CYFIP2: variants seen among roughly 807,000 people sequenced by gnomAD.
CYFIP2 encodes cytoplasmic FMR1 interacting protein 2, also known as cytoplasmic FMR1-interacting protein 2.
In CYFIP2, 29 loss-of-function variants were observed where a neutral mutation model predicts 158.7. That is an observed-to-expected ratio of 0.18 (90% CI 0.14 to 0.25). The LOEUF (loss-of-function observed/expected upper bound fraction) is 0.25. Among genes scored for constraint, CYFIP2 ranks in the 10% least tolerant of loss-of-function variants. The probability of loss-of-function intolerance (pLI) is 1.00; values close to 1 mark genes in which losing one functional copy is unlikely to be tolerated. For missense variants in CYFIP2, 852 were observed against 1,639.5 expected (o/e 0.52, Z 8.29); for synonymous variants, 585 against 617.6 (o/e 0.95, Z 0.78).
intron 23 of CYFIP2, chr5:157,343,351 C>G (rs374331000): frequency 5.0e-6 from 8 of 1,614,158 alleles, no homozygotes; most frequent in Middle Eastern, 1.6e-4. Context: ...GATGTTCCAG[C>G]ACCACGGAGC....
At chr5:157,379,684 A>AAAC (rs995349680) in intron 26 of CYFIP2, among the ~76,000 whole-genome samples, 1 of 150,368 alleles carries the variant, frequency 6.7e-6, no homozygotes, top group East Asian at 1.9e-4. Flanking sequence ...AAAAAAAAAA[A>AAAC]AAAAAAAAAC....
Position 157,385,298 on chromosome 5 carries a change from A to G in CYFIP2, c.3207+1939A>G, listed in dbSNP as rs1360981557. Among the ~76,000 whole-genome samples, 4 of 152,352 alleles carry G rather than the reference A, an allele frequency of 2.6e-5. No individual in the cohort carries two copies. The Middle Eastern group carries it at 0.01, about 389-fold the overall frequency. Reference sequence around the variant, plus strand: ...CCTAGTGTTTAACAAATAAAAGCCTAGACATTCTGTGAGACAGGAAATGCT... The same window carrying G: ...CCTAGTGTTTAACAAATAAAAGCCTGGACATTCTGTGAGACAGGAAATGCT... On this transcript the variant is annotated intron_variant, in intron 28 of 30. Coordinates refer to ENST00000620254, the MANE Select transcript of CYFIP2 (RefSeq NM_001037333.3).
rs151268588 is a variant in CYFIP2 at position 157,314,327 on chromosome 5, C to G, written c.1111-17C>G. 4.0e-3 allele frequency: 6,484 copies of G among 1,612,180 alleles called. 24 individuals carry two copies. Among genetic ancestry groups the G allele is most frequent in the Non-Finnish European group, 4.9e-3 (5,766 of 1,178,960 alleles). ...TCAGGCACATAGACCATGAGTATGA[C>G]ACCTGATGCTCCCCAGGTGGTGACG... On this transcript the variant is annotated splice_polypyrimidine_tract_variant and intron_variant, in intron 11 of 30. Coordinates refer to ENST00000620254, the MANE Select transcript of CYFIP2 (RefSeq NM_001037333.3).
intron 26 of CYFIP2, among the ~76,000 whole-genome samples, chr5:157,377,251 T>C (rs980565505): frequency 6.6e-6 from 1 of 152,070 alleles, no homozygotes; most frequent in Non-Finnish European, 1.5e-5. Flanking sequence ...TAGAAGATTC[T>C]TCCCAAACCA....
chr5:157,382,504 C>T, intron 26 of CYFIP2, 86 bp from the exon 27 acceptor site: 5 of 1,422,790 alleles, frequency 3.5e-6, no homozygotes, highest in Non-Finnish European at 4.9e-6. Context: ...GTCTAGCTAA[C>T]TCCAGTGCTC....
At chr5:157,268,590 C>T (rs933138474) in intron 1 of CYFIP2, among the ~76,000 whole-genome samples, 4 of 152,214 alleles carry the variant, frequency 2.6e-5, no homozygotes, top group African/African-American at 9.7e-5. Context: ...AAAGATTGGA[C>T]TACACTCTCA....
intron 28 of CYFIP2, among the ~76,000 whole-genome samples, chr5:157,386,545 A>G (rs1297478137): frequency 6.6e-6 from 1 of 152,168 alleles, no homozygotes; most frequent in Non-Finnish European, 1.5e-5. Flanking sequence ...TGCCTTTTAC[A>G]ATATTTATAC....
Position 157,324,025 on chromosome 5 carries a change from G to C in CYFIP2, c.1776G>C (p.Glu592Asp), listed in dbSNP as rs778090546. ...SLDGPIVLAI[E>D]DFHKQSFFFT... is the part of the protein sequence containing the mutation. ...ATGGACCCATTGTCCTCGCCATAGA[G>C]GACTTTCACAAACAGTCCTTCTTCT... Residue 592 changes from glutamate (E) to aspartate (D), a missense_variant, in exon 16 of 31, where the codon GAG (glutamate) becomes GAC (aspartate). Physicochemically the swap from Glu to Asp is conservative, Grantham distance 45 (BLOSUM62 2). This residue lies in a region of CYFIP2 where 167 missense variants were observed against 343.3 expected (regional missense o/e 0.49). Transcript: ENST00000620254. 1.9e-5 allele frequency: 31 copies of C among 1,613,732 alleles called. No individual in the cohort carries two copies. Among genetic ancestry groups the C allele is most frequent in the Non-Finnish European group, 2.4e-5 (28 of 1,179,854 alleles).
intron 26 of CYFIP2, among the ~76,000 whole-genome samples, chr5:157,378,208 C>T (rs570646809): frequency 6.6e-6 from 1 of 152,116 alleles, no homozygotes; most frequent in Non-Finnish European, 1.5e-5. Flanking sequence ...AAAATTAGTC[C>T]ATCTGCAAAG....
At chr5:157,276,070 A>G (rs1486492133) in intron 1 of CYFIP2, among the ~76,000 whole-genome samples, 1 of 152,208 alleles carries the variant, frequency 6.6e-6, no homozygotes, top group African/African-American at 2.4e-5. Context: ...GATTTTCTAT[A>G]ACAAGACTAT....
chr5:157,284,140 A>G (rs1240807254), intron 1 of CYFIP2, among the ~76,000 whole-genome samples: 2 of 151,920 alleles, frequency 1.3e-5, no homozygotes, highest in African/African-American at 4.8e-5. Context: ...TTTTTGCTTT[A>G]TGTCTGCCTT....
At chr5:157,288,048 G>A (rs1341672431) in intron 3 of CYFIP2, among the ~76,000 whole-genome samples, 2 of 151,986 alleles carry the variant, frequency 1.3e-5, no homozygotes, top group African/African-American at 2.4e-5. Flanking sequence ...AGCCATGATC[G>A]TATCACTGCA....
At position 157,331,947 on chromosome 5, in the gene CYFIP2, T is replaced by C. The variant is rs140027556; in HGVS notation, c.2265+1097T>C. Reference sequence around the variant, plus strand: ...TAGCAGCTGCAGTAATGCCCGCGTGTACCCCAGTGGAAAGTACCTTAAGTT... The same window carrying C: ...TAGCAGCTGCAGTAATGCCCGCGTGCACCCCAGTGGAAAGTACCTTAAGTT... On this transcript the variant is annotated intron_variant, in intron 20 of 30. Coordinates refer to ENST00000620254, the MANE Select transcript of CYFIP2 (RefSeq NM_001037333.3). 3.3e-5 allele frequency among the ~76,000 whole-genome samples: 5 copies of C among 152,362 alleles called. No homozygotes were observed. In the East Asian group the frequency reaches 9.6e-4, roughly 29 times the overall value.
intron 26 of CYFIP2, among the ~76,000 whole-genome samples, chr5:157,368,680 G>C (rs1401603800): frequency 1.3e-5 from 2 of 151,898 alleles, no homozygotes; most frequent in African/African-American, 4.8e-5. Flanking sequence ...CAACCTGCTA[G>C]TGTGAACATA....
chr5:157,275,718 T>C (rs188760628), intron 1 of CYFIP2, among the ~76,000 whole-genome samples: 11 of 152,348 alleles, frequency 7.2e-5, no homozygotes, highest in African/African-American at 2.6e-4. Context: ...AGAGATTATG[T>C]TGAATCTGTA....
rs1266525388 is a variant in CYFIP2, at chr5:157,339,283, C to T, written c.2585+27C>T. The T allele has an allele frequency of 8.8e-6, 14 of 1,596,808 alleles. No individual in the cohort carries two copies. The Admixed American group carries it at 2.0e-4, about 23-fold the overall frequency. ...TAAGGGAGTCCCTGTGCAGAGGGGG[C>T]CGGGTGGGGGTTGGGGGAGTGGCCA... On this transcript the variant is annotated intron_variant, in intron 22 of 30. Transcript: ENST00000620254.
chr5:157,301,157 G>A (rs911554454), intron 6 of CYFIP2, among the ~76,000 whole-genome samples: 1 of 152,198 alleles, frequency 6.6e-6, no homozygotes, highest in African/African-American at 2.4e-5. Flanking sequence ...CCCATCTCTG[G>A]AGCAGCAGCA....
intron 26 of CYFIP2, among the ~76,000 whole-genome samples, chr5:157,372,289 A>G (rs1298630962): frequency 6.6e-6 from 1 of 152,222 alleles, no homozygotes; most frequent in Non-Finnish European, 1.5e-5. Context: ...TAGGAGTTGC[A>G]TGCTTAGGTA....
At chr5:157,322,606 G>A (rs779396640) in intron 15 of CYFIP2, among the ~76,000 whole-genome samples, 1 of 152,188 alleles carries the variant, frequency 6.6e-6, no homozygotes, top group Non-Finnish European at 1.5e-5. Context: ...GCAGATGGGG[G>A]ACTGTCTGAG....
Sources: allele counts gnomAD v4.1 joint callset (sites outside exome capture counted in the v4.1 genomes callset), GRCh38; gene constraint gnomAD v4.1.1; regional missense constraint gnomAD v4.1.1; transcripts MANE v1.5; gene names NCBI Gene and HGNC (gene_info 2026-07-23, HGNC 2026-07-21).